Variants in RGS9 observed in about 807,000 individuals in gnomAD.
RGS9 encodes regulator of G protein signaling 9.
Under a neutral mutation model 102.0 loss-of-function variants are expected in RGS9, and 78 were observed. The ratio of observed to expected loss-of-function variants is 0.76; its 90% CI spans 0.64 to 0.92. The LOEUF (loss-of-function observed/expected upper bound fraction) is 0.92. Among genes scored for constraint, RGS9 ranks in the 40% least tolerant of loss-of-function variants. RGS9 has a pLI of 0.00. For synonymous variants in RGS9, 353 were observed against 318.6 expected, an observed-to-expected ratio of 1.11 and a Z score of -1.15; for missense variants, 833 against 866.1, an observed-to-expected ratio of 0.96 and a Z score of 0.48.
At chr17:65,202,993 C>T (rs924012619) in intron 14 of RGS9, among the ~76,000 whole-genome samples, 3 of 152,254 alleles carry the variant, frequency 2.0e-5, no homozygotes. Flanking sequence ...AAGCACCACG[C>T]TGGGCTGGAA....
rs1905673262 is a variant in RGS9 at position 65,226,264 on chromosome 17, G to A, written c.1892+778G>A. ...CTGAGTTTTGGGGGAGACAGTCAGG[G>A]GCACCCCTGCACCAATCAACATGTG... On this transcript the variant is annotated intron_variant, in intron 18 of 18. Coordinates refer to ENST00000262406, the MANE Select transcript of RGS9 (RefSeq NM_003835.4). Among the ~76,000 whole-genome samples, 3 of 152,168 alleles carry A rather than the reference G, an allele frequency of 2.0e-5. No individual in the cohort carries two copies. In the South Asian group the frequency reaches 6.2e-4, roughly 32 times the overall value.
intron 1 of RGS9, among the ~76,000 whole-genome samples, chr17:65,145,566 A>ATTTTTTT (rs1567858058): frequency 3.4e-5 from 4 of 118,302 alleles, no homozygotes; most frequent in Non-Finnish European, 4.7e-5. Flanking sequence ...TTTTTTTTTA[A>ATTTTTTT]TATATTTTTA....
At chr17:65,166,155 A>T (rs2144009376) in intron 7 of RGS9, among the ~76,000 whole-genome samples, 1 of 152,344 alleles carries the variant, frequency 6.6e-6, no homozygotes, top group Middle Eastern at 3.4e-3. Context: ...CACATATTCC[A>T]GTAAGGAGGG....
At chr17:65,183,554 C>T (rs1485982970) in intron 9 of RGS9, among the ~76,000 whole-genome samples, 1 of 152,172 alleles carries the variant, frequency 6.6e-6, no homozygotes, top group Non-Finnish European at 1.5e-5. Context: ...GCCTTGGCCT[C>T]CCAGGGTGCT....
chr17:65,167,724 C>T (rs778047392), intron 7 of RGS9, among the ~76,000 whole-genome samples: 2 of 152,128 alleles, frequency 1.3e-5, no homozygotes. Context: ...GGTCAAATGT[C>T]GACCCGGAAG....
intron 12 of RGS9, 94 bp downstream of exon 12, chr17:65,193,750 A>G (rs762595481): frequency 1.3e-6 from 1 of 762,270 alleles, no homozygotes; most frequent in Non-Finnish European, 2.3e-6. Context: ...ATACAGTTCA[A>G]TGGTTTTTAT....
intron 11 of RGS9, among the ~76,000 whole-genome samples, chr17:65,193,053 G>C (rs891010311): frequency 6.6e-6 from 1 of 151,038 alleles, no homozygotes; most frequent in Non-Finnish European, 1.5e-5. Context: ...TTGACCCCAG[G>C]AGTTTGAGAC....
chr17:65,207,529 T>C (rs1913112276), intron 15 of RGS9, among the ~76,000 whole-genome samples: 1 of 152,220 alleles, frequency 6.6e-6, no homozygotes, highest in East Asian at 1.9e-4. Context: ...ATTAAGCAGT[T>C]CTGGGTCTAG....
At chr17:65,155,810 T>C (rs544907458) in intron 2 of RGS9, among the ~76,000 whole-genome samples, 1 of 152,306 alleles carries the variant, frequency 6.6e-6, no homozygotes, top group East Asian at 1.9e-4. Flanking sequence ...CAGTGGGTGC[T>C]GGATGGTGGT....
intron 1 of RGS9, among the ~76,000 whole-genome samples, chr17:65,148,937 C>T (rs923163844): frequency 2.0e-5 from 3 of 151,782 alleles, no homozygotes; most frequent in South Asian, 2.1e-4. Flanking sequence ...AATATCCCTA[C>T]GATGATTGGT....
chr17:65,167,902 C>T (rs530516483), intron 7 of RGS9, among the ~76,000 whole-genome samples: 3 of 152,170 alleles, frequency 2.0e-5, no homozygotes, highest in African/African-American at 7.2e-5. Context: ...AGCAGTGTGA[C>T]CCTGGTGGGC....
At chr17:65,220,550 C>A (rs1158901738) in intron 17 of RGS9, among the ~76,000 whole-genome samples, 1 of 152,086 alleles carries the variant, frequency 6.6e-6, no homozygotes, top group East Asian at 1.9e-4. Context: ...CCCCATGGGG[C>A]TAACTTTGCA....
intron 5 of RGS9, 62 bp downstream of exon 5, chr17:65,160,649 T>A (rs968303397): frequency 6.4e-7 from 1 of 1,554,362 alleles, no homozygotes; most frequent in Non-Finnish European, 8.9e-7. Flanking sequence ...ATTTACTTGC[T>A]GCACTTTGGT....
intron 8 of RGS9, among the ~76,000 whole-genome samples, chr17:65,176,818 C>T (rs1486687711): frequency 6.6e-6 from 1 of 151,066 alleles, no homozygotes; most frequent in Non-Finnish European, 1.5e-5. Context: ...CAAATTTACC[C>T]ATTCATCCAT....
chr17:65,196,679 G>A (rs1912598633), intron 12 of RGS9, among the ~76,000 whole-genome samples: 1 of 149,362 alleles, frequency 6.7e-6, no homozygotes, highest in Non-Finnish European at 1.5e-5. Flanking sequence ...TGCCATGGTA[G>A]GGGGGCAGCT....
rs1415454504 is a variant in RGS9, at chr17:65,210,590, T to C, written c.1392T>C (p.Thr464=). 4 of 1,613,852 alleles carry C rather than the reference T, an allele frequency of 2.5e-6. No homozygotes were observed. In the Admixed American group the frequency reaches 5.0e-5, roughly 20 times the overall value. ...EEAKAREAAN[T]VDITQPGQHM... ...CCAAGGCCCGAGAAGCAGCCAACAC[T>C]GTGGACATCACCCAGGTCATGAGCA... The change falls in exon 17 of 19, where the codon ACT becomes ACC. Residue 464 remains threonine, a synonymous_variant. Transcript: ENST00000262406.
In RGS9 at chr17:65,169,795, A is replaced by G. The variant is rs140897903; in HGVS notation, c.582+1514A>G. On this transcript the variant is annotated intron_variant, in intron 8 of 18. Transcript: ENST00000262406. ...CAGGATGATGCTGAATCACATAAATATGACCATGTGTCTCTATGACCACTG... is the reference window on the plus strand; with the variant it reads ...CAGGATGATGCTGAATCACATAAATGTGACCATGTGTCTCTATGACCACTG... Among the ~76,000 whole-genome samples the G allele has an allele frequency of 2.8e-3, 431 of 152,110 alleles. 1 individual carries two copies. Among genetic ancestry groups the G allele is most frequent in the African/African-American group, 9.8e-3 (406 of 41,490 alleles).
In RGS9 at chr17:65,225,378, T is replaced by C. The variant is rs987077701; in HGVS notation, c.1784T>C (p.Val595Ala). The C allele has an allele frequency of 1.9e-6, 3 of 1,611,852 alleles. No homozygotes were observed. In the African/African-American group the frequency reaches 4.0e-5, roughly 22 times the overall value. Residue 595 changes from valine to alanine, a missense_variant, in exon 18 of 19, where the codon GTC (valine) becomes GCC (alanine). Physicochemically the swap from Val to Ala is moderately conservative, Grantham distance 64. Coordinates refer to ENST00000262406, the MANE Select transcript of RGS9 (RefSeq NM_003835.4). Reference protein sequence around the residue: ...FLRRGCLASPVFARLSPKCPA... With the variant: ...FLRRGCLASPAFARLSPKCPA... ...AGACGAGGCTGTCTGGCCTCACCTGTCTTTGCCAGGCTCTCACCCAAGTGC... is the reference window on the plus strand; with the variant it reads ...AGACGAGGCTGTCTGGCCTCACCTGCCTTTGCCAGGCTCTCACCCAAGTGC...
Position 65,137,477 on chromosome 17 carries a change from C to T in RGS9, c.-64C>T, listed in dbSNP as rs1909950494. ...GGGGCGAGCCAGGCTGCCTTTCGAACTTGGGGGGCTTCTCCTCTTGTCTCC... is the reference window on the plus strand; with the variant it reads ...GGGGCGAGCCAGGCTGCCTTTCGAATTTGGGGGGCTTCTCCTCTTGTCTCC... On this transcript the variant is annotated 5_prime_UTR_variant, in exon 1 of 19. Transcript: ENST00000262406. The T allele has an allele frequency of 6.4e-7, 1 of 1,554,140 alleles. No homozygotes were observed. Among genetic ancestry groups the T allele is most frequent in the Admixed American group, 1.7e-5 (1 of 59,922 alleles).
Sources: gnomAD v4.1 joint callset for allele counts (sites outside exome capture counted in the v4.1 genomes callset) on GRCh38, gnomAD v4.1.1 for gene constraint, MANE v1.5 for transcripts, NCBI Gene and HGNC (gene_info 2026-07-23, HGNC 2026-07-21) for gene names.